MAPK8: variants seen among roughly 807,000 people sequenced by gnomAD.
MAPK8 encodes mitogen-activated protein kinase 8.
In MAPK8, 13 loss-of-function variants were observed where a neutral mutation model predicts 52.9. The observed-to-expected ratio is 0.25, with a 90% confidence interval of 0.16 to 0.39. The LOEUF (loss-of-function observed/expected upper bound fraction) is 0.39. Ranked by LOEUF, MAPK8 falls within the 10% of genes least tolerant of loss-of-function variation. The pLI is 1.00. For synonymous variants in MAPK8, 191 were observed against 169.8 expected (o/e 1.12, Z -0.97); for missense variants, 300 against 519.2 (o/e 0.58, Z 4.10).
chr10:48,408,516 G>A (rs551100393), intron 3 of MAPK8, among the ~76,000 whole-genome samples: 8 of 152,332 alleles, frequency 5.3e-5, no homozygotes, highest in Admixed American at 4.6e-4. Context: ...AAAGTATGAA[G>A]TGTAATATAG....
At chr10:48,416,530 A>T (rs1000107744) in intron 5 of MAPK8, among the ~76,000 whole-genome samples, 1 of 152,146 alleles carries the variant, frequency 6.6e-6, no homozygotes, top group African/African-American at 2.4e-5. Flanking sequence ...CCATCAAGAC[A>T]TTTATCAAAT....
intron 10 of MAPK8, among the ~76,000 whole-genome samples, chr10:48,428,014 G>A (rs1445978070): frequency 2.0e-5 from 3 of 152,200 alleles, no homozygotes; most frequent in African/African-American, 7.2e-5. Context: ...GGAAGGAGAT[G>A]TTCTGAGCCA....
intron 1 of MAPK8, among the ~76,000 whole-genome samples, chr10:48,351,753 A>T (rs1374026257): frequency 1.3e-5 from 2 of 152,184 alleles, no homozygotes; most frequent in African/African-American, 4.8e-5. Context: ...TAAGAGATAC[A>T]GGTTGAGTAT....
chr10:48,428,553 A>C (rs1180088154), intron 10 of MAPK8, among the ~76,000 whole-genome samples: 1 of 152,224 alleles, frequency 6.6e-6, no homozygotes, highest in African/African-American at 2.4e-5. Flanking sequence ...TTTCTTAGAA[A>C]TTGAAGAGAT....
chr10:48,381,442 G>A (rs2040999440), intron 1 of MAPK8, among the ~76,000 whole-genome samples: 1 of 151,944 alleles, frequency 6.6e-6, no homozygotes, highest in Admixed American at 6.6e-5. Flanking sequence ...TGTTTCCCAT[G>A]TATCTAGTAC....
intron 1 of MAPK8, among the ~76,000 whole-genome samples, chr10:48,362,706 C>T (rs1847647478): frequency 6.7e-6 from 1 of 149,966 alleles, no homozygotes; most frequent in South Asian, 2.1e-4. Flanking sequence ...TCACACTGCT[C>T]ACGTAATTTG....
rs532993341 is a variant in MAPK8, at chr10:48,415,750, A to G, written c.451-4405A>G. ...TTTTCAAGGTGAAAGATACTATCCAATTAGGATACACAATTATACATGAAG... is the reference window on the plus strand; with the variant it reads ...TTTTCAAGGTGAAAGATACTATCCAGTTAGGATACACAATTATACATGAAG... On this transcript the variant is annotated intron_variant, in intron 5 of 11. Coordinates refer to ENST00000374189, the MANE Select transcript of MAPK8 (RefSeq NM_001323329.2). Among the ~76,000 whole-genome samples, 15 of 152,336 alleles carry G rather than the reference A, an allele frequency of 9.8e-5. No individual in the cohort carries two copies. In the South Asian group the frequency reaches 2.9e-3, roughly 29 times the overall value.
At chr10:48,323,146 TG>T (rs1020152470) in intron 1 of MAPK8, among the ~76,000 whole-genome samples, 2 of 152,016 alleles carry the variant, frequency 1.3e-5, no homozygotes, top group African/African-American at 4.8e-5. Flanking sequence ...GGAATAGAAA[TG>T]GGAGGGAAAA....
intron 1 of MAPK8, among the ~76,000 whole-genome samples, chr10:48,357,341 C>G (rs763009406): frequency 2.0e-5 from 3 of 152,166 alleles, no homozygotes; most frequent in Non-Finnish European, 2.9e-5. Context: ...ATGCCGCTAT[C>G]TTTATGGTTT....
At chr10:48,359,170 T>C (rs1398600563) in intron 1 of MAPK8, among the ~76,000 whole-genome samples, 1 of 152,324 alleles carries the variant, frequency 6.6e-6, no homozygotes, top group East Asian at 1.9e-4. Context: ...TTTGGGTTGA[T>C]ATTACTGCTC....
In MAPK8 at chr10:48,377,357, A is replaced by AT. The variant is rs200217242; in HGVS notation, c.-49-24252dup. Among the ~76,000 whole-genome samples, 349 of 58,042 alleles carry AT rather than the reference A, an allele frequency of 6.0e-3. 1 individual carries two copies. The highest frequency in any genetic ancestry group is 0.021 in the African/African-American group (283 of 13,718). The allele number at this position is 58,042 out of a possible 152,430, so 38.1% of individuals were successfully genotyped here. A position where few individuals can be genotyped will look rare whatever the true frequency, so the allele number is the denominator to read the frequency against. On this transcript the variant is annotated intron_variant, in intron 1 of 11. Coordinates refer to ENST00000374189, the MANE Select transcript of MAPK8 (RefSeq NM_001323329.2). ...CATGTACCCCAGAACTTAAAGTATAATTTAAAAAAAAAATACATTTCTTGG... is the reference window on the plus strand; with the variant it reads ...CATGTACCCCAGAACTTAAAGTATAATTTTAAAAAAAAAATACATTTCTTGG...
intron 1 of MAPK8, among the ~76,000 whole-genome samples, chr10:48,380,498 G>A (rs967501919): frequency 1.1e-4 from 16 of 151,336 alleles, no homozygotes; most frequent in Non-Finnish European, 1.9e-4. Flanking sequence ...TTGGGAGGCT[G>A]AGGCAGGCAG....
chr10:48,348,500 C>T (rs1432222265), intron 1 of MAPK8, among the ~76,000 whole-genome samples: 9 of 152,178 alleles, frequency 5.9e-5, no homozygotes, highest in Non-Finnish European at 1.0e-4. Context: ...AGGTTTTCTT[C>T]TAGGATTTTT....
At chr10:48,413,815 T>TTTTATA (rs1223947558) in intron 5 of MAPK8, among the ~76,000 whole-genome samples, 3 of 48,414 alleles carry the variant, frequency 6.2e-5, no homozygotes, top group Admixed American at 1.6e-4. Flanking sequence ...GCCAGAATTG[T>TTTTATA]TATATATATA....
chr10:48,383,089 T>C (rs2041109373), intron 1 of MAPK8, among the ~76,000 whole-genome samples: 1 of 151,886 alleles, frequency 6.6e-6, no homozygotes, highest in Non-Finnish European at 1.5e-5. Context: ...ATTCCTGGCT[T>C]TTGACTTTTT....
chr10:48,322,254 A>C (rs1325782768), intron 1 of MAPK8, among the ~76,000 whole-genome samples: 2 of 152,032 alleles, frequency 1.3e-5, no homozygotes, highest in African/African-American at 2.4e-5. Flanking sequence ...ACGATTATGG[A>C]GTGAAGTATT....
chr10:48,422,204 G>C (rs1241045337), intron 6 of MAPK8, among the ~76,000 whole-genome samples: 1 of 151,850 alleles, frequency 6.6e-6, no homozygotes. Context: ...GCTAATTTTT[G>C]TATTTTTAGT....
chr10:48,420,094 G>A, intron 5 of MAPK8, 61 bp from the exon 6 acceptor site: 1 of 1,275,210 alleles, frequency 7.8e-7, no homozygotes, highest in African/African-American at 1.5e-5. Flanking sequence ...TAACTTTATT[G>A]TGAACTGTAG....
At chr10:48,332,470 CTTA>C (rs964335607) in intron 1 of MAPK8, among the ~76,000 whole-genome samples, 1 of 152,204 alleles carries the variant, frequency 6.6e-6, no homozygotes, top group African/African-American at 2.4e-5. Context: ...CAGGGGTTTA[CTTA>C]TTTTTCTTCC....
Sources: allele counts gnomAD v4.1 joint callset (sites outside exome capture counted in the v4.1 genomes callset), GRCh38; gene constraint gnomAD v4.1.1; transcripts MANE v1.5; gene names NCBI Gene and HGNC (gene_info 2026-07-23, HGNC 2026-07-21).